MPP7: variants seen among roughly 807,000 people sequenced by gnomAD.
MPP7 encodes the protein MAGUK p55 scaffold protein 7, also known as MAGUK p55 subfamily member 7.
A neutral mutation model predicts 76.5 loss-of-function variants in MPP7; 60 were observed. That is an observed-to-expected ratio of 0.78 (90% CI 0.64 to 0.97). MPP7 has a LOEUF of 0.97. Ranked by LOEUF, MPP7 falls within the 50% of genes least tolerant of loss-of-function variation. The pLI, the probability that MPP7 is intolerant of heterozygous loss-of-function variation, is 0.00. For synonymous variants in MPP7, 237 were observed against 244.5 expected, an observed-to-expected ratio of 0.97 and a Z score of 0.29; for missense variants, 641 against 694.0, an observed-to-expected ratio of 0.92 and a Z score of 0.86.
chr10:28,234,380 G>T (rs1326557372), intron 2 of MPP7, among the ~76,000 whole-genome samples: 2 of 152,066 alleles, frequency 1.3e-5, no homozygotes, highest in Non-Finnish European at 2.9e-5. Flanking sequence ...GGAGAGAAAA[G>T]ACAAAGAATT....
chr10:28,192,314 G>C (rs1182454583), intron 3 of MPP7, among the ~76,000 whole-genome samples: 1 of 152,082 alleles, frequency 6.6e-6, no homozygotes, highest in Non-Finnish European at 1.5e-5. Flanking sequence ...GATATATACA[G>C]ATTGAGAACA....
chr10:28,086,955 T>C (rs779486536), intron 12 of MPP7, among the ~76,000 whole-genome samples: 2 of 152,126 alleles, frequency 1.3e-5, no homozygotes, highest in Non-Finnish European at 2.9e-5. Context: ...ATAATGAAGT[T>C]TCCCATTTTA....
intron 3 of MPP7, among the ~76,000 whole-genome samples, chr10:28,187,836 T>C (rs1193056755): frequency 6.6e-6 from 1 of 152,178 alleles, no homozygotes; most frequent in Non-Finnish European, 1.5e-5. Flanking sequence ...AATAAAATTA[T>C]CCCTCTTTTT....
chr10:28,216,521 A>G (rs1838315592), intron 2 of MPP7, among the ~76,000 whole-genome samples: 1 of 152,184 alleles, frequency 6.6e-6, no homozygotes, highest in Non-Finnish European at 1.5e-5. Flanking sequence ...TGTCATTAAC[A>G]CTAACCACAC....
chr10:28,275,693 C>T (rs548097762), intron 1 of MPP7, among the ~76,000 whole-genome samples: 5 of 152,110 alleles, frequency 3.3e-5, no homozygotes, highest in African/African-American at 1.2e-4. Context: ...AGGCTTGAGC[C>T]ACCATGCCCA....
At chr10:28,060,933 A>G (rs1472425420) in intron 13 of MPP7, among the ~76,000 whole-genome samples, 1 of 152,246 alleles carries the variant, frequency 6.6e-6, no homozygotes, top group Admixed American at 6.5e-5. Context: ...GAAAAGGCTT[A>G]AAGAACTGAG....
intron 2 of MPP7, among the ~76,000 whole-genome samples, chr10:28,219,079 T>C (rs1838409461): frequency 1.3e-5 from 2 of 152,214 alleles, no homozygotes; most frequent in South Asian, 4.1e-4. Flanking sequence ...TAGATCCACC[T>C]ATACAAACTA....
At chr10:28,101,841 C>T (rs919032657) in intron 11 of MPP7, among the ~76,000 whole-genome samples, 3 of 151,520 alleles carry the variant, frequency 2.0e-5, no homozygotes, top group African/African-American at 4.9e-5. Context: ...GCTGATGGTT[C>T]GACCATCGAG....
intron 13 of MPP7, among the ~76,000 whole-genome samples, chr10:28,069,544 C>T (rs1852127118): frequency 6.7e-6 from 1 of 150,314 alleles, no homozygotes; most frequent in Admixed American, 6.7e-5. Context: ...GCAGAGGTTG[C>T]AGTGAGCTGA....
At chr10:28,118,212 T>A in intron 11 of MPP7, 1 of 985,184 alleles carries the variant, frequency 1.0e-6, no homozygotes, top group Non-Finnish European at 1.2e-6. Flanking sequence ...ACACCTCACC[T>A]TCCTATGCAT....
chr10:28,215,713 CA>C (rs1327659836), intron 2 of MPP7, among the ~76,000 whole-genome samples: 1 of 152,136 alleles, frequency 6.6e-6, no homozygotes, highest in Admixed American at 6.6e-5. Context: ...TATTGGTAAA[CA>C]TCTCTGTGTA....
chr10:28,207,826 G>GAA (rs1420001589), intron 2 of MPP7, among the ~76,000 whole-genome samples: 2 of 152,114 alleles, frequency 1.3e-5, no homozygotes, highest in Non-Finnish European at 2.9e-5. Flanking sequence ...ACCCAAGGTG[G>GAA]AAAGGCAGTT....
chr10:28,184,772 TTA>T (rs1387559370), intron 3 of MPP7, among the ~76,000 whole-genome samples: 1 of 147,596 alleles, frequency 6.8e-6, no homozygotes, highest in Non-Finnish European at 1.5e-5. Flanking sequence ...AATATATTAT[TTA>T]TATATAGATA....
rs1199315639 is a variant in MPP7 at position 28,242,460 on chromosome 10, C to A, written c.-131-3725G>T. Among the ~76,000 whole-genome samples, 3 of 152,108 alleles carry A rather than the reference C, an allele frequency of 2.0e-5. 1 individual carries two copies. The highest frequency in any genetic ancestry group is 4.1e-4 in the South Asian group (2 of 4,822). On this transcript the variant is annotated intron_variant, in intron 1 of 16. Coordinates refer to ENST00000683449, the MANE Select transcript of MPP7 (RefSeq NM_001318170.2). ...ACTTATATCTGTTAACATATTTGGA[C>A]CCTCATAAATTATAATTGTAAGAAT...
intron 11 of MPP7, among the ~76,000 whole-genome samples, chr10:28,119,358 G>A (rs1169345534): frequency 6.6e-6 from 1 of 152,062 alleles, no homozygotes; most frequent in African/African-American, 2.4e-5. Flanking sequence ...TGTATTTTAG[G>A]TGACATTTAA....
At chr10:28,228,468 C>CTAAGTT (rs1185800670) in intron 2 of MPP7, among the ~76,000 whole-genome samples, 3 of 152,072 alleles carry the variant, frequency 2.0e-5, no homozygotes, top group African/African-American at 7.2e-5. Context: ...TTTAAAAGAA[C>CTAAGTT]TAAGCAGCAC....
intron 3 of MPP7, among the ~76,000 whole-genome samples, chr10:28,189,009 C>T (rs554290788): frequency 6.8e-6 from 1 of 147,290 alleles, no homozygotes; most frequent in African/African-American, 2.5e-5. Context: ...AGGTCAGACC[C>T]TCGGATCTAC....
chr10:28,177,224 G>A (rs1372486491), intron 3 of MPP7, among the ~76,000 whole-genome samples: 5 of 144,426 alleles, frequency 3.5e-5, no homozygotes, highest in Non-Finnish European at 7.5e-5. Flanking sequence ...AGACCAGCCT[G>A]GCCAACATAG....
intron 3 of MPP7, among the ~76,000 whole-genome samples, chr10:28,189,634 A>C (rs2490058): frequency 0.51 from 67,033 of 132,234 alleles, 18,976 homozygotes; most frequent in Middle Eastern, 0.71. Context: ...TGCTAACTGT[A>C]GGGCAAGCAC....
Sources: allele counts gnomAD v4.1 joint callset (sites outside exome capture counted in the v4.1 genomes callset), GRCh38; gene constraint gnomAD v4.1.1; transcripts MANE v1.5; gene names NCBI Gene and HGNC (gene_info 2026-07-23, HGNC 2026-07-21).